Variants in DPF3 observed in about 807,000 individuals in gnomAD.
The protein encoded by DPF3 is zinc finger protein DPF3.
In DPF3, 18 loss-of-function variants were observed where a neutral mutation model predicts 56.8. The ratio of observed to expected loss-of-function variants is 0.32; its 90% CI spans 0.22 to 0.47. DPF3 has a LOEUF of 0.47. Ranked by LOEUF, DPF3 falls within the 20% of genes least tolerant of loss-of-function variation. The pLI is 1.00. For missense variants in DPF3, 403 were observed against 488.8 expected (o/e 0.82, Z 1.65); for synonymous variants, 188 against 180.2 (o/e 1.04, Z -0.35).
chr14:72,656,557 G>T (rs1886067818), intron 8 of DPF3, among the ~76,000 whole-genome samples: 1 of 152,210 alleles, frequency 6.6e-6, no homozygotes, highest in Admixed American at 6.5e-5. Context: ...ACCAAACGAT[G>T]TGTGTCGTTC....
At chr14:72,892,238 A>C (rs770246921) in intron 1 of DPF3, 1 of 1,535,510 alleles carries the variant, frequency 6.5e-7, no homozygotes, top group South Asian at 1.2e-5. Flanking sequence ...GGGAAACTGA[A>C]AATCAGTTGT....
At chr14:72,711,928 TG>T (rs1192253908) in intron 6 of DPF3, among the ~76,000 whole-genome samples, 1 of 150,018 alleles carries the variant, frequency 6.7e-6, no homozygotes, top group African/African-American at 2.5e-5. Context: ...TTGGGGGTGG[TG>T]GGGGTGGGCC....
chr14:72,755,999 T>C (rs1395753203), intron 2 of DPF3, among the ~76,000 whole-genome samples: 1 of 152,192 alleles, frequency 6.6e-6, no homozygotes, highest in Non-Finnish European at 1.5e-5. Flanking sequence ...TGTGTGCATA[T>C]GTGTGCGTGC....
chr14:72,855,976 C>T (rs1599499004), intron 1 of DPF3, among the ~76,000 whole-genome samples: 1 of 152,220 alleles, frequency 6.6e-6, no homozygotes. Context: ...TCTAGATCAA[C>T]AACTGCTTAC....
At chr14:72,852,377 A>G (rs1885018181) in intron 1 of DPF3, among the ~76,000 whole-genome samples, 1 of 152,204 alleles carries the variant, frequency 6.6e-6, no homozygotes, top group Non-Finnish European at 1.5e-5. Flanking sequence ...AGTCTGTGGG[A>G]GGAGGAAAAA....
chr14:72,860,620 A>G (rs1885358757), intron 1 of DPF3, among the ~76,000 whole-genome samples: 1 of 128,972 alleles, frequency 7.8e-6, no homozygotes, highest in Non-Finnish European at 1.6e-5. Flanking sequence ...GCTGGAGTGC[A>G]ATGGCACAAT....
rs527693057 is a variant in DPF3 at position 72,731,965 on chromosome 14, G to A, written c.302-31C>T. The stretch of plus-strand genomic sequence containing the variant: ...AAACAAAGATAGAAAGGCAGGTCAG[G>A]CCACTAGAAGCAGGCAGGGCAGGAG... On this transcript the variant is annotated intron_variant, in intron 3 of 10. Coordinates refer to ENST00000556509, the MANE Select transcript of DPF3 (RefSeq NM_001280542.3). 9 of 1,558,456 alleles carry A rather than the reference G, an allele frequency of 5.8e-6. No individual in the cohort carries two copies. The South Asian group carries it at 8.3e-5, about 14-fold the overall frequency.
At chr14:72,833,961 C>T (rs1035511283) in intron 1 of DPF3, among the ~76,000 whole-genome samples, 7 of 151,000 alleles carry the variant, frequency 4.6e-5, no homozygotes, top group Non-Finnish European at 8.9e-5. Flanking sequence ...GCAGGTGGAT[C>T]ACTTGAGGCC....
In DPF3 at chr14:72,806,902, C is replaced by T. The variant is rs117466475; in HGVS notation, c.33-35009G>A. On this transcript the variant is annotated intron_variant, in intron 1 of 10. Transcript: ENST00000556509. Reference sequence around the variant, plus strand: ...AATATTTGTTGAAATGCAGCAAGATCAGGGAGTAATTCAGCACCAATTGTT... The same window carrying T: ...AATATTTGTTGAAATGCAGCAAGATTAGGGAGTAATTCAGCACCAATTGTT... The T allele has an allele frequency of 8.5e-3, 1,300 of 152,324 alleles. 14 individuals are homozygous for T. Among genetic ancestry groups the T allele is most frequent in the Admixed American group, 0.018 (277 of 15,280 alleles). The allele number at this position is 152,324 out of a possible 1,614,324, so 9.4% of individuals were successfully genotyped here.
intron 2 of DPF3, among the ~76,000 whole-genome samples, chr14:72,765,837 C>T (rs995093758): frequency 3.3e-5 from 5 of 152,062 alleles, no homozygotes; most frequent in Non-Finnish European, 5.9e-5. Context: ...TGGCGTGAAC[C>T]CAGGAGGCGG....
At chr14:72,656,042 C>A (rs967782550) in intron 8 of DPF3, among the ~76,000 whole-genome samples, 3 of 152,032 alleles carry the variant, frequency 2.0e-5, no homozygotes, top group Admixed American at 2.0e-4. Flanking sequence ...CCCTGGAGAC[C>A]AAATGTAACT....
At chr14:72,756,686 C>A (rs569117916) in intron 2 of DPF3, among the ~76,000 whole-genome samples, 8 of 151,720 alleles carry the variant, frequency 5.3e-5, no homozygotes, top group Non-Finnish European at 1.0e-4. Context: ...GTGGCGCATG[C>A]CTGTAATCTC....
At chr14:72,741,485 G>T (rs1303274554) in intron 3 of DPF3, among the ~76,000 whole-genome samples, 1 of 152,218 alleles carries the variant, frequency 6.6e-6, no homozygotes, top group East Asian at 1.9e-4. Context: ...AAACCAAACA[G>T]CCAAGATGGC....
rs183651774 is a variant in DPF3, at chr14:72,642,103, T to C, written c.872-12367A>G. On this transcript the variant is annotated intron_variant, in intron 8 of 10. Coordinates refer to ENST00000556509, the MANE Select transcript of DPF3 (RefSeq NM_001280542.3). ...ACATGAGAGTGAGCTTGGAAGTGAC[T>C]CCTTCAGCCCTGATGGAGCTTTGAG... Among the ~76,000 whole-genome samples the C allele has an allele frequency of 1.4e-3, 206 of 152,310 alleles. 1 individual carries two copies. The highest frequency in any genetic ancestry group is 4.6e-3 in the African/African-American group (191 of 41,568).
chr14:72,808,627 T>C (rs143202698), intron 1 of DPF3, among the ~76,000 whole-genome samples: 1 of 152,334 alleles, frequency 6.6e-6, no homozygotes, highest in East Asian at 1.9e-4. Context: ...AGGTAGTGTT[T>C]AGAAAGTCAG....
chr14:72,676,304 A>C (rs1886904597), intron 7 of DPF3, among the ~76,000 whole-genome samples: 2 of 152,174 alleles, frequency 1.3e-5, no homozygotes, highest in Admixed American at 1.3e-4. Context: ...CATTCATAAA[A>C]ACTTACAGGG....
chr14:72,886,067 G>A lies in DPF3; in HGVS notation c.32+7990C>T, dbSNP rs189462966. On this transcript the variant is annotated intron_variant, in intron 1 of 10. Coordinates refer to ENST00000556509, the MANE Select transcript of DPF3 (RefSeq NM_001280542.3). ...TTTAATGCATACAAAGTTTCTCTCC[G>A]GGATGATGAAAAGGGTCTGGGCAGC... Among the ~76,000 whole-genome samples, 31 of 152,230 alleles carry A rather than the reference G, an allele frequency of 2.0e-4. No individual in the cohort carries two copies. The East Asian group carries it at 5.2e-3, about 26-fold the overall frequency.
chr14:72,869,865 T>A (rs540834128), intron 1 of DPF3, among the ~76,000 whole-genome samples: 100 of 152,240 alleles, frequency 6.6e-4, no homozygotes, highest in African/African-American at 2.3e-3. Context: ...ACCCATGTTA[T>A]CTTTGAGCTT....
At chr14:72,861,745 A>AAG (rs758646300) in intron 1 of DPF3, among the ~76,000 whole-genome samples, 9,988 of 79,978 alleles carry the variant, frequency 0.12, 472 homozygotes, top group African/African-American at 0.19. Flanking sequence ...AAGAGAAAGA[A>AAG]AGAAAGAAAG....
Sources: allele counts gnomAD v4.1 joint callset (sites outside exome capture counted in the v4.1 genomes callset), GRCh38; gene constraint gnomAD v4.1.1; transcripts MANE v1.5; gene names NCBI Gene and HGNC (gene_info 2026-07-23, HGNC 2026-07-21).